ALOX5: variants seen among roughly 807,000 people sequenced by gnomAD.
ALOX5 encodes the protein arachidonate 5-lipoxygenase, also known as polyunsaturated fatty acid 5-lipoxygenase.
In ALOX5, 64 loss-of-function variants were observed where a neutral mutation model predicts 87.9. The observed-to-expected ratio is 0.73, with a 90% confidence interval of 0.60 to 0.90. The LOEUF (loss-of-function observed/expected upper bound fraction) is 0.90. ALOX5 is among the 40% of genes least tolerant of loss of function. The probability of loss-of-function intolerance (pLI) is 0.00; values close to 1 mark genes in which losing one functional copy is unlikely to be tolerated. For synonymous variants in ALOX5, 388 were observed against 355.1 expected (o/e 1.09, Z -1.04); for missense variants, 822 against 907.5 (o/e 0.91, Z 1.21).
At chr10:45,376,667 C>A (rs1839624826) in intron 1 of ALOX5, among the ~76,000 whole-genome samples, 1 of 152,168 alleles carries the variant, frequency 6.6e-6, no homozygotes, top group African/African-American at 2.4e-5. Context: ...ACAATTTAAT[C>A]ATTTCCAAGT....
chr10:45,431,548 G>GTTATTTAT lies in ALOX5; in HGVS notation c.981+2819_981+2826dup, dbSNP rs34431757. Among the ~76,000 whole-genome samples the GTTATTTAT allele has an allele frequency of 2.4e-3, 355 of 148,556 alleles. 1 individual carries two copies. Among genetic ancestry groups the GTTATTTAT allele is most frequent in the Non-Finnish European group, 4.1e-3 (275 of 67,132 alleles). On this transcript the variant is annotated intron_variant, in intron 7 of 13. Transcript: ENST00000374391. Reference sequence around the variant, plus strand: ...TGCCCATATAAGGAAAAACTATAAAGTTATTTATTTATTTATTTATTTATT... The same window carrying GTTATTTAT: ...TGCCCATATAAGGAAAAACTATAAAGTTATTTATTTATTTATTTATTTATTTATTTATT...
At chr10:45,393,347 A>G (rs1054539641) in intron 2 of ALOX5, among the ~76,000 whole-genome samples, 1 of 152,228 alleles carries the variant, frequency 6.6e-6, no homozygotes, top group African/African-American at 2.4e-5. Context: ...AACCAAAGAC[A>G]AAAACCACAT....
chr10:45,416,201 ATAT>A (rs990340400), intron 4 of ALOX5, among the ~76,000 whole-genome samples: 118 of 152,286 alleles, frequency 7.7e-4, no homozygotes, highest in African/African-American at 2.5e-3. Flanking sequence ...GAGGTAAATA[ATAT>A]TATTGACCAT....
In ALOX5 at chr10:45,425,126, G is replaced by A. The variant is rs1484869633; in HGVS notation, c.828G>A (p.Glu276=). The A allele has an allele frequency of 1.2e-6, 2 of 1,613,416 alleles. No individual in the cohort carries two copies. Among genetic ancestry groups the A allele is most frequent in the African/African-American group, 1.3e-5 (1 of 74,926 alleles). Reference sequence around the variant, plus strand: ...AGCGGCAGCTCAGCTTGGAGCAGGAGGTCCAGGTAGGGGTTGATGGGCTGG... The same window carrying A: ...AGCGGCAGCTCAGCTTGGAGCAGGAAGTCCAGGTAGGGGTTGATGGGCTGG... ...SLERQLSLEQ[E]VQQGNIFIVD... is the part of the protein sequence containing the mutation. The change falls in exon 6 of 14, where the codon GAG becomes GAA. Residue 276 remains glutamate, a synonymous_variant. Transcript: ENST00000374391. The surrounding 1 kb of genome is among the most constrained non-coding windows in gnomAD (Gnocchi z 4.4).
At chr10:45,417,990 C>T (rs1057494176) in intron 4 of ALOX5, among the ~76,000 whole-genome samples, 7 of 152,238 alleles carry the variant, frequency 4.6e-5, no homozygotes, top group African/African-American at 1.7e-4. Flanking sequence ...GCCCACGTTT[C>T]TCCACATCGT....
At chr10:45,398,663 A>G (rs1840597278) in intron 3 of ALOX5, among the ~76,000 whole-genome samples, 1 of 152,190 alleles carries the variant, frequency 6.6e-6, no homozygotes, top group African/African-American at 2.4e-5. Context: ...ATAAAGACAA[A>G]TAGTCCAATT....
rs747005625 is a variant in ALOX5, at chr10:45,443,152, AAAG to A, written c.1392_1394del (p.Glu464del). 1 of 1,613,882 alleles carries A rather than the reference AAAG, an allele frequency of 6.2e-7. No homozygotes were observed. The highest frequency in any genetic ancestry group is 1.7e-5 in the Admixed American group (1 of 60,026). On this transcript the variant is annotated inframe_deletion, in exon 10 of 14. Coordinates refer to ENST00000374391, the MANE Select transcript of ALOX5 (RefSeq NM_000698.5). ...CATCAAGGCCCGGGGCATGGAGAGC[AAAG>A]AAGACATCCCCTACTACTTCTACCG...
At position 45,382,778 on chromosome 10, in the gene ALOX5, G is replaced by T. The variant is rs1839887438; in HGVS notation, c.349+97G>T. The T allele has an allele frequency of 1.1e-5, 15 of 1,411,636 alleles. No homozygotes were observed. The East Asian group carries it at 3.7e-4, about 35-fold the overall frequency. The allele number at this position is 1,411,636 out of a possible 1,614,324, so 87.4% of individuals were successfully genotyped here. A position where few individuals can be genotyped will look rare whatever the true frequency, so the allele number is the denominator to read the frequency against. ...TAGTCATAGGAGGAATGACACTGCT[G>T]TGCAGGGGCGGGAAGTGGGAGGGCT... On this transcript the variant is annotated intron_variant, in intron 2 of 13. Coordinates refer to ENST00000374391, the MANE Select transcript of ALOX5 (RefSeq NM_000698.5).
chr10:45,442,337 C>A (rs1445517639), intron 9 of ALOX5, among the ~76,000 whole-genome samples: 2 of 152,226 alleles, frequency 1.3e-5, no homozygotes, highest in Admixed American at 6.5e-5. Context: ...CGCATCTAAA[C>A]AGAAAGTGCT....
At chr10:45,418,151 A>G (rs1418489413) in intron 4 of ALOX5, among the ~76,000 whole-genome samples, 1 of 152,194 alleles carries the variant, frequency 6.6e-6, no homozygotes, top group Non-Finnish European at 1.5e-5. Flanking sequence ...CAGTGGATGG[A>G]GACCCTTGAG....
chr10:45,404,960 G>A (rs1840825538), intron 3 of ALOX5, among the ~76,000 whole-genome samples: 1 of 152,188 alleles, frequency 6.6e-6, no homozygotes, highest in Admixed American at 6.5e-5. Context: ...ATTCTTGCGT[G>A]TGAAATAGTA....
chr10:45,392,248 G>A (rs1840310655), intron 2 of ALOX5, among the ~76,000 whole-genome samples: 2 of 152,308 alleles, frequency 1.3e-5, no homozygotes, highest in Admixed American at 6.5e-5. Context: ...TGACAATGGT[G>A]GTTTTGTGGA....
intron 3 of ALOX5, among the ~76,000 whole-genome samples, chr10:45,399,323 A>G (rs1840618259): frequency 6.6e-6 from 1 of 152,248 alleles, no homozygotes; most frequent in South Asian, 2.1e-4. Context: ...AGTGACAGCT[A>G]AAGGATACAG....
At position 45,445,707 on chromosome 10, in the gene ALOX5, G is replaced by A; in HGVS notation, c.*20G>A. 3 of 1,595,828 alleles carry A rather than the reference G, an allele frequency of 1.9e-6. No individual in the cohort carries two copies. The highest frequency in any genetic ancestry group is 2.6e-6 in the Non-Finnish European group (3 of 1,165,750). ...ATCTGAGCACACTGCCAGTCTCACTGTGGGAAGGCCAGCTGCCCCAGCCAG... is the reference window on the plus strand; with the variant it reads ...ATCTGAGCACACTGCCAGTCTCACTATGGGAAGGCCAGCTGCCCCAGCCAG... On this transcript the variant is annotated 3_prime_UTR_variant, in exon 14 of 14. Transcript: ENST00000374391.
intron 1 of ALOX5, 96 bp from the exon 2 acceptor site, chr10:45,382,387 C>G: frequency 7.7e-7 from 1 of 1,303,804 alleles, no homozygotes; most frequent in Non-Finnish European, 1.1e-6. Context: ...AGTCCCTGTG[C>G]CACAGCAGCA....
rs1055184152 is a variant in ALOX5 at position 45,425,324 on chromosome 10, T to C, written c.834+192T>C. ...ATTATGCAGACTGTCTTGTGCAACA[T>C]CAGAGGAGGAATTGCGGGGAATGTT... On this transcript the variant is annotated intron_variant, in intron 6 of 13. Coordinates refer to ENST00000374391, the MANE Select transcript of ALOX5 (RefSeq NM_000698.5). This position sits in a 1 kb window ranked among gnomAD's most constrained non-coding sequence, Gnocchi z 4.4. 1.3e-5 allele frequency among the ~76,000 whole-genome samples: 2 copies of C among 152,126 alleles called. No homozygotes were observed. Among genetic ancestry groups the C allele is most frequent in the African/African-American group, 4.8e-5 (2 of 41,418 alleles).
At chr10:45,433,322 T>C (rs1841967484) in intron 7 of ALOX5, among the ~76,000 whole-genome samples, 1 of 152,174 alleles carries the variant, frequency 6.6e-6, no homozygotes, top group Non-Finnish European at 1.5e-5. Flanking sequence ...GCGCCTGCTG[T>C]ACCAGGTGCA....
At chr10:45,424,273 A>C in intron 5 of ALOX5, 126 bp downstream of exon 5, 1 of 787,844 alleles carries the variant, frequency 1.3e-6, no homozygotes, top group Non-Finnish European at 2.2e-6. Flanking sequence ...CGCTGCCACC[A>C]TGCCACCCTG....
intron 1 of ALOX5, among the ~76,000 whole-genome samples, chr10:45,380,044 C>T (rs779852053): frequency 6.6e-6 from 1 of 152,236 alleles, no homozygotes; most frequent in African/African-American, 2.4e-5. Flanking sequence ...ACTCAGCCCC[C>T]ACTCTGCTCC....
Sources: allele counts gnomAD v4.1 joint callset (sites outside exome capture counted in the v4.1 genomes callset), GRCh38; gene constraint gnomAD v4.1.1; non-coding constraint Gnocchi (gnomAD v3.1); transcripts MANE v1.5; gene names NCBI Gene and HGNC (gene_info 2026-07-23, HGNC 2026-07-21).